The following DNAL1 variants were observed in gnomAD, a reference collection of about 807,000 sequenced individuals.
The protein encoded by DNAL1 is chromosome 14 open reading frame 168.
A neutral mutation model predicts 29.4 loss-of-function variants in DNAL1; 17 were observed. The ratio of observed to expected loss-of-function variants is 0.58; its 90% CI spans 0.40 to 0.87. The LOEUF (loss-of-function observed/expected upper bound fraction) is 0.87, where lower values mean the gene tolerates loss of function less well. Ranked by LOEUF, DNAL1 falls within the 40% of genes least tolerant of loss-of-function variation. DNAL1 has a pLI of 0.00. For missense variants in DNAL1, 188 were observed against 214.1 expected, an observed-to-expected ratio of 0.88 and a Z score of 0.76; for synonymous variants, 78 against 76.3, an observed-to-expected ratio of 1.02 and a Z score of -0.12.
chr14:73,672,285 C>T (rs907323603), intron 5 of DNAL1, among the ~76,000 whole-genome samples: 6 of 152,138 alleles, frequency 3.9e-5, no homozygotes, highest in East Asian at 1.9e-4. Flanking sequence ...TAAAGAGGTA[C>T]TGATGAGTTT....
intron 1 of DNAL1, among the ~76,000 whole-genome samples, chr14:73,646,959 T>C (rs1029372861): frequency 2.0e-5 from 3 of 152,160 alleles, no homozygotes; most frequent in South Asian, 4.1e-4. Context: ...TAAAAAAATT[T>C]ATCTTTCAGT....
Position 73,658,903 on chromosome 14 carries a change from G to T in DNAL1, c.99G>T (p.Gln33His). The T allele has an allele frequency of 6.3e-7, 1 of 1,599,556 alleles. No individual in the cohort carries two copies. Among genetic ancestry groups the T allele is most frequent in the Non-Finnish European group, 8.5e-7 (1 of 1,172,772 alleles). Residue 33 changes from glutamine to histidine, a missense_variant, in exon 3 of 8, where the codon CAG (glutamine) becomes CAT (histidine). Physicochemically the swap from Gln to His is conservative, Grantham distance 24 (BLOSUM62 0). Transcript: ENST00000553645. ...CCAAAGAGATAAAACTTTATGCCCA[G>T]ATTCCCCCTATAGAGAAGATGGATG... ...SEAKEIKLYA[Q>H]IPPIEKMDAS...
chr14:73,652,532 T>G (rs1423414994), intron 1 of DNAL1, among the ~76,000 whole-genome samples: 1 of 152,158 alleles, frequency 6.6e-6, no homozygotes, highest in African/African-American at 2.4e-5. Context: ...TACTTCAGCC[T>G]CCCAAAGCGC....
chr14:73,669,593 T>G (rs1891571138), intron 4 of DNAL1, among the ~76,000 whole-genome samples: 1 of 152,134 alleles, frequency 6.6e-6, no homozygotes, highest in Admixed American at 6.6e-5. Flanking sequence ...TTATTTTTTA[T>G]TTTTTATTTT....
At chr14:73,668,956 C>T (rs1344104685) in intron 4 of DNAL1, among the ~76,000 whole-genome samples, 2 of 152,204 alleles carry the variant, frequency 1.3e-5, no homozygotes, top group South Asian at 4.2e-4. Flanking sequence ...GGATTACAGG[C>T]GTGAGCCTCT....
chr14:73,655,967 A>G (rs1402000045), intron 2 of DNAL1, among the ~76,000 whole-genome samples: 4 of 152,228 alleles, frequency 2.6e-5, no homozygotes, highest in African/African-American at 9.6e-5. Flanking sequence ...TCTATAGAGT[A>G]CAAAGATGGC....
intron 6 of DNAL1, among the ~76,000 whole-genome samples, chr14:73,689,026 G>GTTGTTTTTTTTTTTTTTTTT (rs1566891351): frequency 1.1e-5 from 1 of 92,248 alleles, no homozygotes; most frequent in Non-Finnish European, 1.9e-5. Flanking sequence ...AAAACTTGCT[G>GTTGTTTTTTTTTTTTTTTTT]TTTTTTTTTT....
chr14:73,658,597 T>C (rs1391720579), intron 2 of DNAL1, among the ~76,000 whole-genome samples: 1 of 152,218 alleles, frequency 6.6e-6, no homozygotes, highest in Non-Finnish European at 1.5e-5. Flanking sequence ...AAATAAAAGT[T>C]TTTTTATTTT....
At chr14:73,648,414 ATATTTGTTGTTTGTTTGTTTTTGTTTTT>A (rs1434091451) in intron 1 of DNAL1, among the ~76,000 whole-genome samples, 1 of 132,268 alleles carries the variant, frequency 7.6e-6, no homozygotes, top group Non-Finnish European at 1.6e-5. Flanking sequence ...ATATATATAT[ATATTTGTTGTTTGTTTGTTTTTGTTTTT>A]TGGGGGGACA....
chr14:73,655,445 A>G (rs111763524), intron 2 of DNAL1, among the ~76,000 whole-genome samples: 3,540 of 151,322 alleles, frequency 0.023, 140 homozygotes, highest in African/African-American at 0.082. Flanking sequence ...CCCGGGTTCA[A>G]GCGATTCTCC....
At position 73,688,213 on chromosome 14, in the gene DNAL1, A is replaced by G. The variant is rs78375076; in HGVS notation, c.391+828A>G. Among the ~76,000 whole-genome samples, 1,049 of 152,312 alleles carry G rather than the reference A, an allele frequency of 6.9e-3. 5 individuals carry two copies. The highest frequency in any genetic ancestry group is 0.024 in the African/African-American group (1,004 of 41,566). On this transcript the variant is annotated intron_variant, in intron 6 of 7. Transcript: ENST00000553645. ...CATTCAGTTATATGCGATGAACTAT[A>G]CCAGTCTCTTTGGATACATAGTTGA...
At position 73,674,847 on chromosome 14, in the gene DNAL1, C is replaced by T. The variant is rs188164443; in HGVS notation, c.264+3250C>T. ...GGAATTACAGGCGTGAGCCACCATG[C>T]CTGGTGGAGTAACTATTTTTTTGAG... On this transcript the variant is annotated intron_variant, in intron 5 of 7. Transcript: ENST00000553645. Among the ~76,000 whole-genome samples the T allele has an allele frequency of 3.9e-3, 592 of 151,992 alleles. 4 individuals carry two copies. The highest frequency in any genetic ancestry group is 0.014 in the African/African-American group (562 of 41,452).
intron 3 of DNAL1, among the ~76,000 whole-genome samples, chr14:73,660,618 A>C (rs1459226514): frequency 6.6e-6 from 1 of 152,182 alleles, no homozygotes; most frequent in Non-Finnish European, 1.5e-5. Flanking sequence ...CATGCATTAG[A>C]CTAATATCCA....
chr14:73,674,034 C>G (rs1891673545), intron 5 of DNAL1, among the ~76,000 whole-genome samples: 1 of 151,306 alleles, frequency 6.6e-6, no homozygotes, highest in Non-Finnish European at 1.5e-5. Flanking sequence ...AAAATGATTA[C>G]TGTAATGTGT....
At position 73,673,688 on chromosome 14, in the gene DNAL1, G is replaced by A. The variant is rs945914945; in HGVS notation, c.264+2091G>A. 2.6e-5 allele frequency among the ~76,000 whole-genome samples: 4 copies of A among 152,108 alleles called. No homozygotes were observed. The East Asian group carries it at 5.8e-4, about 22-fold the overall frequency. ...AGGTGGGAGGATCCCTTGAGGCCAG[G>A]AGTTTACCTGGGCAACATAGCAAGA... is the stretch of plus-strand genomic sequence containing the variant. On this transcript the variant is annotated intron_variant, in intron 5 of 7. Transcript: ENST00000553645.
At chr14:73,661,732 G>C (rs1891362933) in intron 3 of DNAL1, among the ~76,000 whole-genome samples, 1 of 152,100 alleles carries the variant, frequency 6.6e-6, no homozygotes, top group Non-Finnish European at 1.5e-5. Flanking sequence ...GTGGCAGAGT[G>C]AGACTCTGTC....
rs933235547 is a variant in DNAL1 at position 73,702,343 on chromosome 14, C to A, written c.*6401C>A. 1.3e-5 allele frequency: 2 copies of A among 152,204 alleles called. No individual in the cohort carries two copies. Among genetic ancestry groups the A allele is most frequent in the South Asian group, 2.1e-4 (1 of 4,820 alleles). The allele number at this position is 152,204 out of a possible 1,614,324, so 9.4% of individuals were successfully genotyped here. ...TTAGTAGAGACGAAGTTTCACCATG[C>A]TGGCCAGGTTGGTCTCGAACTCTTG... On this transcript the variant is annotated 3_prime_UTR_variant, in exon 8 of 8. Transcript: ENST00000553645.
chr14:73,681,618 AAAAAAAAAAAAAAAAAT>A (rs1324572851), intron 5 of DNAL1, among the ~76,000 whole-genome samples: 13,836 of 73,574 alleles, frequency 0.19, 1,111 homozygotes, highest in Admixed American at 0.28. Context: ...AAAAAAAAAA[AAAAAAAAAAAAAAAAAT>A]ATATATATAT....
intron 7 of DNAL1, among the ~76,000 whole-genome samples, chr14:73,691,478 G>A (rs1473075494): frequency 6.6e-6 from 1 of 152,030 alleles, no homozygotes; most frequent in Non-Finnish European, 1.5e-5. Flanking sequence ...GAACCTGGGA[G>A]GCGGTGGTTG....
Sources: allele counts gnomAD v4.1 joint callset (sites outside exome capture counted in the v4.1 genomes callset), GRCh38; gene constraint gnomAD v4.1.1; transcripts MANE v1.5; gene names NCBI Gene and HGNC (gene_info 2026-07-23, HGNC 2026-07-21).